Variants in KCNH1 observed in about 807,000 individuals in gnomAD.
KCNH1 encodes potassium voltage-gated channel subfamily H member 1.
In KCNH1, 27 loss-of-function variants were observed where a neutral mutation model predicts 69.2. That is an observed-to-expected ratio of 0.39 (90% confidence interval 0.29 to 0.54). KCNH1 has a LOEUF of 0.54. Among genes scored for constraint, KCNH1 ranks in the 20% least tolerant of loss-of-function variants. KCNH1 has a pLI of 0.68. For synonymous variants in KCNH1, 456 were observed against 487.7 expected (o/e 0.93, Z 0.86); for missense variants, 798 against 1,261.6 (o/e 0.63, Z 5.57).
At chr1:210,860,828 C>G in intron 7 of KCNH1, 1 of 908,920 alleles carries the variant, frequency 1.1e-6, no homozygotes, top group Non-Finnish European at 1.9e-6. Context: ...AACTTTACTT[C>G]ACAAAAATAG....
At chr1:210,963,689 T>C (rs1006860964) in intron 6 of KCNH1, among the ~76,000 whole-genome samples, 2 of 151,740 alleles carry the variant, frequency 1.3e-5, no homozygotes, top group Non-Finnish European at 2.9e-5. Flanking sequence ...AGAAAGGACA[T>C]CAGAGATTGA....
chr1:210,966,201 A>G (rs1688396493), intron 6 of KCNH1, among the ~76,000 whole-genome samples: 1 of 151,900 alleles, frequency 6.6e-6, no homozygotes, highest in Non-Finnish European at 1.5e-5. Flanking sequence ...CTGAAACTGA[A>G]CCCCTTCCTT....
At chr1:210,924,394 T>TA (rs1014585214) in intron 6 of KCNH1, among the ~76,000 whole-genome samples, 24 of 152,174 alleles carry the variant, frequency 1.6e-4, no homozygotes, top group Non-Finnish European at 2.6e-4. Flanking sequence ...TCTGAAACAA[T>TA]AAAAAACAAG....
At position 210,683,743 on chromosome 1, in the gene KCNH1, GC is replaced by G; in HGVS notation, c.2507del (p.Ser836ThrfsTer39). Reference sequence around the variant, plus strand: ...CGCAAGCATCTTTGAAGCGGGCCCAGCTTTTGCGCTTGGCACAATCGCCCCC... The same window carrying G: ...CGCAAGCATCTTTGAAGCGGGCCCAGTTTTGCGCTTGGCACAATCGCCCCC... Reference protein sequence around the residue: ...GGGGDCAKRKSWARFKDACGK... With the variant: ...GGGGDCAKRKXWARFKDACGK... On this transcript the variant is annotated frameshift_variant, in exon 11 of 11. Transcript: ENST00000271751. LOFTEE classifies it low-confidence loss of function (END_TRUNC). This position sits in a 1 kb window ranked among gnomAD's most constrained non-coding sequence, Gnocchi z 5.7. 1 of 1,614,124 alleles carries G rather than the reference GC, an allele frequency of 6.2e-7. No homozygotes were observed. Among genetic ancestry groups the G allele is most frequent in the Non-Finnish European group, 8.5e-7 (1 of 1,180,050 alleles).
At chr1:210,994,910 G>A (rs1689001221) in intron 6 of KCNH1, among the ~76,000 whole-genome samples, 1 of 152,172 alleles carries the variant, frequency 6.6e-6, no homozygotes, top group African/African-American at 2.4e-5. Flanking sequence ...ATGGAATGAT[G>A]ATATGCCAGA....
chr1:210,691,765 G>C (rs981690494), intron 10 of KCNH1, among the ~76,000 whole-genome samples: 1 of 152,220 alleles, frequency 6.6e-6, no homozygotes, highest in Admixed American at 6.5e-5. Context: ...GCATTCGGCT[G>C]TGTGGTCTTT....
chr1:211,109,543 T>C (rs988388861), intron 1 of KCNH1, among the ~76,000 whole-genome samples: 15 of 152,166 alleles, frequency 9.9e-5, no homozygotes, highest in African/African-American at 3.6e-4. Context: ...TTAATTTCCC[T>C]CAAAACACCT....
intron 7 of KCNH1, among the ~76,000 whole-genome samples, chr1:210,901,335 C>G (rs544779794): frequency 1.4e-3 from 206 of 152,272 alleles, no homozygotes; most frequent in African/African-American, 4.7e-3. Flanking sequence ...GTCTGCACTG[C>G]CACCACCATC....
intron 4 of KCNH1, among the ~76,000 whole-genome samples, chr1:211,084,090 G>A (rs1690908711): frequency 6.6e-6 from 1 of 152,176 alleles, no homozygotes; most frequent in Non-Finnish European, 1.5e-5. Context: ...AACTGCTGGG[G>A]TTGGCTTGAA....
At chr1:211,097,296 C>T (rs1026500781) in intron 3 of KCNH1, among the ~76,000 whole-genome samples, 8 of 151,838 alleles carry the variant, frequency 5.3e-5, no homozygotes, top group Non-Finnish European at 1.0e-4. Context: ...TATTTTAGCA[C>T]AACTATAAAG....
chr1:210,919,569 A>T lies in KCNH1; in HGVS notation c.1462+71T>A, dbSNP rs1687417210. On this transcript the variant is annotated intron_variant, in intron 7 of 10. Coordinates refer to ENST00000271751, the MANE Select transcript of KCNH1 (RefSeq NM_172362.3). The surrounding 1 kb of genome is among the most constrained non-coding windows in gnomAD (Gnocchi z 4.2). ...TTATTATTCTCCTGATCCTGCTGGC[A>T]CTGTAGCCATTTCCCTGTTTCCAGC... 3.7e-6 allele frequency: 5 copies of T among 1,347,514 alleles called. No homozygotes were observed. Among genetic ancestry groups the T allele is most frequent in the Non-Finnish European group, 5.2e-6 (5 of 956,980 alleles). 83.5% of individuals were successfully genotyped at this position (1,347,514 alleles called of 1,614,324 possible).
chr1:211,078,778 C>T (rs902329461), intron 5 of KCNH1, among the ~76,000 whole-genome samples: 1 of 151,726 alleles, frequency 6.6e-6, no homozygotes, highest in Non-Finnish European at 1.5e-5. Context: ...CATAGACAGG[C>T]ATGGTGGTGG....
chr1:211,064,957 A>C (rs777115366), intron 5 of KCNH1, among the ~76,000 whole-genome samples: 2 of 152,224 alleles, frequency 1.3e-5, no homozygotes, highest in African/African-American at 2.4e-5. Context: ...CATCTGTTAA[A>C]ATGACTATTA....
Position 210,881,546 on chromosome 1 carries a change from T to C in KCNH1, c.1462+38094A>G, listed in dbSNP as rs532722252. On this transcript the variant is annotated intron_variant, in intron 7 of 10. Transcript: ENST00000271751. ...ATTGGTATCATACTACTTACTCAAATGTATTGGAAACTTATGCCCACACAA... is the reference window on the plus strand; with the variant it reads ...ATTGGTATCATACTACTTACTCAAACGTATTGGAAACTTATGCCCACACAA... Among the ~76,000 whole-genome samples, 4 of 152,310 alleles carry C rather than the reference T, an allele frequency of 2.6e-5. No individual in the cohort carries two copies. In the East Asian group the frequency reaches 7.7e-4, roughly 29 times the overall value.
At chr1:210,862,263 G>A (rs760437836) in intron 7 of KCNH1, 15 of 1,033,340 alleles carry the variant, frequency 1.5e-5, no homozygotes, top group Non-Finnish European at 2.1e-5. Context: ...GCAGGGCCTC[G>A]ATAATGGTGT....
rs143799688 is a variant in KCNH1 at position 210,870,438 on chromosome 1, T to C, written c.1462+49202A>G. Among the ~76,000 whole-genome samples the C allele has an allele frequency of 1.7e-4, 26 of 152,252 alleles. No homozygotes were observed. In the East Asian group the frequency reaches 5.0e-3, roughly 29 times the overall value. The stretch of plus-strand genomic sequence containing the variant: ...CAGCACAAGAATTGAAAAAAGCACA[T>C]GGTACTCTCCCAGCTGAGATTCTTA... On this transcript the variant is annotated intron_variant, in intron 7 of 10. Coordinates refer to ENST00000271751, the MANE Select transcript of KCNH1 (RefSeq NM_172362.3).
rs1681305409 is a variant in KCNH1, at chr1:210,682,835, G to T, written c.*446C>A. The T allele has an allele frequency of 6.0e-6, 1 of 166,054 alleles. No homozygotes were observed. The highest frequency in any genetic ancestry group is 2.4e-5 in the African/African-American group (1 of 41,556). 10.3% of individuals were successfully genotyped at this position (166,054 alleles called of 1,614,324 possible). Reference sequence around the variant, plus strand: ...CAGACACGGGCTGTACAAGGACGGGGATGCCGGGAAGTCCTTGGCCCACTG... The same window carrying T: ...CAGACACGGGCTGTACAAGGACGGGTATGCCGGGAAGTCCTTGGCCCACTG... On this transcript the variant is annotated 3_prime_UTR_variant, in exon 11 of 11. Coordinates refer to ENST00000271751, the MANE Select transcript of KCNH1 (RefSeq NM_172362.3).
At chr1:210,856,643 A>G (rs1685843951) in intron 7 of KCNH1, among the ~76,000 whole-genome samples, 1 of 150,952 alleles carries the variant, frequency 6.6e-6, no homozygotes, top group South Asian at 2.1e-4. Flanking sequence ...CTTTACAATG[A>G]CCACCAGAGA....
chr1:210,726,411 G>A (rs1682591666), intron 10 of KCNH1, among the ~76,000 whole-genome samples: 1 of 152,192 alleles, frequency 6.6e-6, no homozygotes, highest in East Asian at 1.9e-4. Flanking sequence ...GAGGACAGAA[G>A]GAACCCTGCC....
Sources: allele counts gnomAD v4.1 joint callset (sites outside exome capture counted in the v4.1 genomes callset), GRCh38; gene constraint gnomAD v4.1.1; non-coding constraint Gnocchi (gnomAD v3.1); transcripts MANE v1.5; gene names NCBI Gene and HGNC (gene_info 2026-07-23, HGNC 2026-07-21).